The following TMEM117 variants were observed in gnomAD, a reference collection of about 807,000 sequenced individuals.
TMEM117 encodes the protein transmembrane protein 117.
A neutral mutation model predicts 52.4 loss-of-function variants in TMEM117; 27 were observed. The ratio of observed to expected loss-of-function variants is 0.51; its 90% CI spans 0.38 to 0.71. The LOEUF is 0.71. TMEM117 is among the 30% of genes least tolerant of loss of function. TMEM117 has a pLI of 0.00. For missense variants in TMEM117, 556 were observed against 630.5 expected, an observed-to-expected ratio of 0.88 and a Z score of 1.26; for synonymous variants, 215 against 206.3, an observed-to-expected ratio of 1.04 and a Z score of -0.36.
At chr12:44,140,595 G>T (rs947962487) in intron 3 of TMEM117, among the ~76,000 whole-genome samples, 1 of 152,062 alleles carries the variant, frequency 6.6e-6, no homozygotes, top group Non-Finnish European at 1.5e-5. Flanking sequence ...ATAAAAGTGT[G>T]TAGAGGATAA....
chr12:44,235,700 A>C (rs576159994), intron 5 of TMEM117, among the ~76,000 whole-genome samples: 1 of 151,516 alleles, frequency 6.6e-6, no homozygotes, highest in Non-Finnish European at 1.5e-5. Flanking sequence ...ATTTTCCATC[A>C]TTCCTTCTGC....
intron 3 of TMEM117, among the ~76,000 whole-genome samples, chr12:44,013,510 T>C (rs569256837): frequency 6.6e-6 from 1 of 152,288 alleles, no homozygotes; most frequent in Admixed American, 6.5e-5. Context: ...GGGCAGGCCT[T>C]GCAAAGAACA....
chr12:44,341,325 G>A (rs1417538698), intron 6 of TMEM117, among the ~76,000 whole-genome samples: 2 of 151,986 alleles, frequency 1.3e-5, no homozygotes, highest in Non-Finnish European at 2.9e-5. Context: ...CCCAGCCCAA[G>A]TGTACACATT....
intron 6 of TMEM117, among the ~76,000 whole-genome samples, chr12:44,339,833 A>G (rs1376920962): frequency 2.0e-5 from 3 of 151,690 alleles, no homozygotes; most frequent in Admixed American, 6.6e-5. Context: ...TTACTCATAT[A>G]TGATTTTTAT....
At chr12:44,357,158 A>G (rs1358491257) in intron 6 of TMEM117, among the ~76,000 whole-genome samples, 1 of 152,188 alleles carries the variant, frequency 6.6e-6, no homozygotes, top group East Asian at 1.9e-4. Flanking sequence ...TTTTCAACAG[A>G]GAACAAAATC....
intron 5 of TMEM117, among the ~76,000 whole-genome samples, chr12:44,233,033 T>C (rs1949952113): frequency 6.6e-6 from 1 of 151,396 alleles, no homozygotes; most frequent in South Asian, 2.1e-4. Context: ...ATATGCAGTT[T>C]ATTTTTGATC....
intron 2 of TMEM117, among the ~76,000 whole-genome samples, chr12:43,938,443 A>G (rs1361660671): frequency 6.6e-6 from 1 of 151,948 alleles, no homozygotes; most frequent in Non-Finnish European, 1.5e-5. Context: ...ATGGACAACA[A>G]TGAAGAAGCA....
intron 6 of TMEM117, among the ~76,000 whole-genome samples, chr12:44,374,428 C>G (rs1951909811): frequency 6.6e-6 from 1 of 152,128 alleles, no homozygotes; most frequent in Admixed American, 6.6e-5. Flanking sequence ...CCACCTGCTT[C>G]TGTCACACTT....
chr12:44,295,183 C>T (rs188393973), intron 5 of TMEM117, among the ~76,000 whole-genome samples: 1 of 151,876 alleles, frequency 6.6e-6, no homozygotes, highest in East Asian at 1.9e-4. Context: ...TTAGTATGCT[C>T]TCTTTCTATA....
At chr12:44,163,372 A>T (rs1317315938) in intron 4 of TMEM117, among the ~76,000 whole-genome samples, 1 of 152,074 alleles carries the variant, frequency 6.6e-6, no homozygotes, top group South Asian at 2.1e-4. Flanking sequence ...ATTTTATTTT[A>T]TTTTTCCAGA....
intron 3 of TMEM117, among the ~76,000 whole-genome samples, chr12:44,036,136 A>C (rs1946706664): frequency 6.6e-6 from 1 of 152,230 alleles, no homozygotes. Flanking sequence ...TTGTCATCTC[A>C]CATTGCATTA....
At chr12:43,853,197 C>T (rs1943340997) in intron 2 of TMEM117, among the ~76,000 whole-genome samples, 1 of 152,210 alleles carries the variant, frequency 6.6e-6, no homozygotes, top group Non-Finnish European at 1.5e-5. Flanking sequence ...TAAAACAATG[C>T]CTGGCACAGT....
the TMEM117 span, among the ~76,000 whole-genome samples, chr12:43,812,480 A>G: frequency 1.3e-5 from 2 of 152,222 alleles, no homozygotes; most frequent in Admixed American, 1.3e-4. Context: ...ATTAATGTGC[A>G]CCTTGTAGAG....
At chr12:43,827,000 A>G in the TMEM117 span, among the ~76,000 whole-genome samples, 9 of 151,940 alleles carry the variant, frequency 5.9e-5, no homozygotes, top group South Asian at 2.1e-4. Context: ...ATTACTAAAC[A>G]TGGTTATTTG....
At chr12:44,215,893 T>G (rs763393849) in intron 5 of TMEM117, among the ~76,000 whole-genome samples, 2 of 152,056 alleles carry the variant, frequency 1.3e-5, no homozygotes, top group Non-Finnish European at 2.9e-5. Flanking sequence ...TTACATGACT[T>G]GCCTTGATCA....
At chr12:43,820,315 C>T in the TMEM117 span, among the ~76,000 whole-genome samples, 1 of 151,762 alleles carries the variant, frequency 6.6e-6, no homozygotes, top group African/African-American at 2.4e-5. Context: ...GCTCTGTCGC[C>T]CACGCTGGAG....
At chr12:43,980,978 C>T in intron 3 of TMEM117, among the ~76,000 whole-genome samples, 1 of 152,120 alleles carries the variant, frequency 6.6e-6, no homozygotes. Context: ...CAGGAGTAAA[C>T]AAATTTATCT....
At chr12:44,162,935 T>G (rs1477784958) in intron 4 of TMEM117, among the ~76,000 whole-genome samples, 1 of 152,250 alleles carries the variant, frequency 6.6e-6, no homozygotes, top group Non-Finnish European at 1.5e-5. Flanking sequence ...GTATTTTGAC[T>G]GGTCACCAAC....
chr12:43,856,950 G>A (rs1943410868), intron 2 of TMEM117, among the ~76,000 whole-genome samples: 1 of 152,176 alleles, frequency 6.6e-6, no homozygotes, highest in Non-Finnish European at 1.5e-5. Context: ...GTGTGTTGGA[G>A]CTACTGAACT....
Sources: gnomAD v4.1 joint callset for allele counts (sites outside exome capture counted in the v4.1 genomes callset) on GRCh38, gnomAD v4.1.1 for gene constraint, MANE v1.5 for transcripts, NCBI Gene and HGNC (gene_info 2026-07-23, HGNC 2026-07-21) for gene names.